Variants in CATSPER2 observed in about 807,000 individuals in gnomAD.
The protein encoded by CATSPER2 is cation channel sperm-associated protein 2.
A neutral mutation model predicts 68.8 loss-of-function variants in CATSPER2; 56 were observed. The observed-to-expected ratio is 0.81, with a 90% CI of 0.66 to 1.02. CATSPER2 has a LOEUF of 1.02. Among genes scored for constraint, CATSPER2 ranks in the 50% least tolerant of loss-of-function variants. CATSPER2 has a pLI of 0.00. For missense variants in CATSPER2, 582 were observed against 642.0 expected, an observed-to-expected ratio of 0.91 and a Z score of 1.01; for synonymous variants, 198 against 229.9, an observed-to-expected ratio of 0.86 and a Z score of 1.26.
chr15:43,635,461 C>T lies in CATSPER2; in HGVS notation c.1122-45G>A, dbSNP rs768576609. On this transcript the variant is annotated intron_variant, in intron 9 of 12. Transcript: ENST00000396879. ...AAGAGCAAAGACAGTTATATTCAAG[C>T]AAAAGTGTGGTAAGAAAAAAAAAGT... 17 of 1,576,094 alleles carry T rather than the reference C, an allele frequency of 1.1e-5. No homozygotes were observed. The Admixed American group carries it at 2.8e-4, about 26-fold the overall frequency.
chr15:43,643,869 G>T (rs1365857540), intron 4 of CATSPER2, among the ~76,000 whole-genome samples: 1 of 151,818 alleles, frequency 6.6e-6, no homozygotes, highest in Non-Finnish European at 1.5e-5. Flanking sequence ...TTATTTTTGA[G>T]ACAGGGTCTT....
Position 43,639,087 on chromosome 15 carries a change from G to A in CATSPER2, c.718-59C>T, listed in dbSNP as rs1417157546. 8.1e-6 allele frequency: 13 copies of A among 1,597,292 alleles called. No individual in the cohort carries two copies. The Middle Eastern group carries it at 8.6e-4, about 105-fold the overall frequency. On this transcript the variant is annotated intron_variant, in intron 6 of 12. Transcript: ENST00000396879. The stretch of plus-strand genomic sequence containing the variant: ...CAAACTAGGCTGATCTCCACCAACA[G>A]CCCAGTCAAGCTCACCTGGCAATCC...
At chr15:43,639,877 C>T in intron 5 of CATSPER2, 79 bp from the exon 6 acceptor site, 1 of 1,604,822 alleles carries the variant, frequency 6.2e-7, no homozygotes, top group East Asian at 2.2e-5. Flanking sequence ...ATCTTATCCT[C>T]TTCATTGTTC....
intron 2 of CATSPER2, 126 bp from the exon 3 acceptor site, chr15:43,647,593 C>T: frequency 2.2e-6 from 2 of 899,298 alleles, no homozygotes; most frequent in Non-Finnish European, 3.7e-6. Flanking sequence ...CTTCTCTTCT[C>T]ACAGCAACTA....
At chr15:43,647,757 G>T (rs1190955918) in intron 2 of CATSPER2, among the ~76,000 whole-genome samples, 160 bp downstream of exon 2, 1 of 151,980 alleles carries the variant, frequency 6.6e-6, no homozygotes, top group South Asian at 2.1e-4. Flanking sequence ...GCCTAAAAGT[G>T]AAAGACGTGG....
chr15:43,635,189 G>T lies in CATSPER2; in HGVS notation c.1178+171C>A, dbSNP rs567246223. On this transcript the variant is annotated intron_variant, in intron 10 of 12. Coordinates refer to ENST00000396879, the MANE Select transcript of CATSPER2 (RefSeq NM_172095.4). ...TTTCCAAATAAGGTCACATTCACAG[G>T]TTCCAGGGAGCAAAGACATGGACAT... 23 of 716,016 alleles carry T rather than the reference G, an allele frequency of 3.2e-5. No individual in the cohort carries two copies. The East Asian group carries it at 5.8e-4, about 18-fold the overall frequency. The allele number at this position is 716,016 out of a possible 1,614,324, so 44.4% of individuals were successfully genotyped here.
At chr15:43,646,098 G>T (rs1266243752) in intron 4 of CATSPER2, among the ~76,000 whole-genome samples, 1 of 151,760 alleles carries the variant, frequency 6.6e-6, no homozygotes, top group Non-Finnish European at 1.5e-5. Context: ...ATCGTTCACT[G>T]ATAGGCACCA....
At chr15:43,637,062 ATCTGCCTGCC>A (rs2085977875) in intron 7 of CATSPER2, among the ~76,000 whole-genome samples, 1 of 151,796 alleles carries the variant, frequency 6.6e-6, no homozygotes, top group African/African-American at 2.4e-5. Flanking sequence ...ACCTCAAGTG[ATCTGCCTGCC>A]TCAGCCTCCT....
At chr15:43,639,318 C>CA (rs2086028292) in intron 6 of CATSPER2, 1 of 460,826 alleles carries the variant, frequency 2.2e-6, no homozygotes, top group African/African-American at 2.0e-5. Flanking sequence ...AGTCTCGGCT[C>CA]ACTGCAACTT....
intron 5 of CATSPER2, 21 bp from the exon 6 acceptor site, chr15:43,639,819 A>G: frequency 5.0e-6 from 8 of 1,610,736 alleles, no homozygotes; most frequent in South Asian, 1.1e-5. Flanking sequence ...CACACAGGTT[A>G]TAAGTAAAAT....
intron 4 of CATSPER2, chr15:43,642,672 G>GTAGTTTA (rs1223028593): frequency 8.0e-6 from 1 of 124,866 alleles, no homozygotes; most frequent in Non-Finnish European, 1.7e-5. Flanking sequence ...ATAGTTTTGA[G>GTAGTTTA]TAGTTTAAAA....
In CATSPER2 at chr15:43,648,777, C is replaced by T. The variant is rs1348126744; in HGVS notation, c.-151G>A. ...CCCCATTCCCCGCCCCGCTCGACCC[C>T]CAGGTTTCGGCTCACCCCGGGACCC... On this transcript the variant is annotated 5_prime_UTR_variant, in exon 1 of 13. Coordinates refer to ENST00000396879, the MANE Select transcript of CATSPER2 (RefSeq NM_172095.4). 3.9e-6 allele frequency: 6 copies of T among 1,530,642 alleles called. No individual in the cohort carries two copies. The Admixed American group carries it at 6.0e-5, about 15-fold the overall frequency. The allele number at this position is 1,530,642 out of a possible 1,614,324, so 94.8% of individuals were successfully genotyped here.
intron 12 of CATSPER2, chr15:43,631,437 GC>G: frequency 4.5e-6 from 1 of 222,784 alleles, no homozygotes; most frequent in Non-Finnish European, 1.0e-5. Context: ...CACCATGTTG[GC>G]CAGGATGATC....
chr15:43,645,581 G>A (rs1595983867), intron 4 of CATSPER2, among the ~76,000 whole-genome samples: 1 of 151,722 alleles, frequency 6.6e-6, no homozygotes, highest in South Asian at 2.1e-4. Flanking sequence ...GAGCCCAGGA[G>A]TTCAAGACCA....
chr15:43,646,781 C>T (rs2086173614), intron 4 of CATSPER2, among the ~76,000 whole-genome samples: 1 of 148,660 alleles, frequency 6.7e-6, no homozygotes, highest in Non-Finnish European at 1.5e-5. Context: ...GTGGCACAAT[C>T]TCGGCTCACT....
In CATSPER2 at chr15:43,639,627, G is replaced by T; in HGVS notation, c.717+16C>A. On this transcript the variant is annotated intron_variant, in intron 6 of 12. Coordinates refer to ENST00000396879, the MANE Select transcript of CATSPER2 (RefSeq NM_172095.4). ...TCTACCTTGCCCCCTGCTTTAGCTTGCAACAGTCAAATCACCTTGAGGGCC... is the reference window on the plus strand; with the variant it reads ...TCTACCTTGCCCCCTGCTTTAGCTTTCAACAGTCAAATCACCTTGAGGGCC... 1 of 1,612,304 alleles carries T rather than the reference G, an allele frequency of 6.2e-7. No homozygotes were observed. Among genetic ancestry groups the T allele is most frequent in the Non-Finnish European group, 8.5e-7 (1 of 1,179,086 alleles).
intron 4 of CATSPER2, among the ~76,000 whole-genome samples, chr15:43,644,644 G>C (rs1385081796): frequency 6.6e-6 from 1 of 151,922 alleles, no homozygotes; most frequent in Non-Finnish European, 1.5e-5. Flanking sequence ...ATTCTCACAG[G>C]AGGGCGAGCC....
rs377363673 is a variant in CATSPER2 at position 43,647,080 on chromosome 15, A to G, written c.358T>C (p.Leu120=). 1.9e-6 allele frequency: 3 copies of G among 1,613,050 alleles called. No individual in the cohort carries two copies. In the African/African-American group the frequency reaches 4.0e-5, roughly 22 times the overall value. ...FKNFIIFLVF[L]NTIILMVEIE... ...TCAACCATCAATATGATCGTATTCAAAAAGACCAGGAAGATGATGAAGTTT... is the reference window on the plus strand; with the variant it reads ...TCAACCATCAATATGATCGTATTCAGAAAGACCAGGAAGATGATGAAGTTT... The change falls in exon 4 of 13, where the codon TTG becomes CTG. Residue 120 remains leucine, a synonymous_variant. Transcript: ENST00000396879.
At position 43,632,361 on chromosome 15, in the gene CATSPER2, G is replaced by A. The variant is rs542033034; in HGVS notation, c.1399C>T (p.Arg467Cys). The change falls in exon 12 of 13, where the codon CGT (arginine) becomes TGT (cysteine). Residue 467 changes from arginine to cysteine, a missense_variant and splice_region_variant. Arg to Cys is a radical substitution (Grantham distance 180). Coordinates refer to ENST00000396879, the MANE Select transcript of CATSPER2 (RefSeq NM_172095.4). ...SESRFSESIG[R>C]LDWETLVHEN... is the part of the protein sequence containing the mutation. ...TGCACAAGAGTCTCCCAGTCCAAAC[G>A]ACCTGCAGGGAGGAATGCTTCAGAA... The A allele has an allele frequency of 5.0e-6, 8 of 1,613,250 alleles. No homozygotes were observed. The East Asian group carries it at 1.1e-4, about 22-fold the overall frequency.
Sources: gnomAD v4.1 joint callset for allele counts (sites outside exome capture counted in the v4.1 genomes callset) on GRCh38, gnomAD v4.1.1 for gene constraint, MANE v1.5 for transcripts, NCBI Gene and HGNC (gene_info 2026-07-23, HGNC 2026-07-21) for gene names.